The following HDAC9 variants were observed in gnomAD, a reference collection of about 807,000 sequenced individuals.
The protein encoded by HDAC9 is MEF-2 interacting transcription repressor (MITR) protein.
In HDAC9, 41 loss-of-function variants were observed where a neutral mutation model predicts 139.4. The ratio of observed to expected loss-of-function variants is 0.29; its 90% CI spans 0.23 to 0.38. The LOEUF (loss-of-function observed/expected upper bound fraction) is 0.38. Ranked by LOEUF, HDAC9 falls within the 10% of genes least tolerant of loss-of-function variation. HDAC9 has a pLI of 1.00. For synonymous variants in HDAC9, 517 were observed against 476.2 expected (o/e 1.09, Z -1.12); for missense variants, 1,147 against 1,297.0 (o/e 0.88, Z 1.78).
At chr7:18,458,832 AT>A (rs772540102) in intron 1 of HDAC9, 55 of 1,532,822 alleles carry the variant, frequency 3.6e-5, no homozygotes, top group Non-Finnish European at 4.6e-5. Flanking sequence ...TGACTTTCTT[AT>A]CCCCACAGAC....
intron 2 of HDAC9, among the ~76,000 whole-genome samples, chr7:18,200,236 C>T (rs190562483): frequency 2.0e-5 from 3 of 152,260 alleles, no homozygotes; most frequent in Admixed American, 2.0e-4. Flanking sequence ...AATGAATTTC[C>T]AGGAAGAATT....
At chr7:18,443,950 A>G (rs1313819567) in intron 1 of HDAC9, among the ~76,000 whole-genome samples, 1 of 151,916 alleles carries the variant, frequency 6.6e-6, no homozygotes, top group East Asian at 1.9e-4. Flanking sequence ...GTATGTATGT[A>G]TGTATATATG....
intron 1 of HDAC9, among the ~76,000 whole-genome samples, chr7:18,141,687 C>T (rs1182152756): frequency 6.6e-6 from 1 of 152,028 alleles, no homozygotes; most frequent in Non-Finnish European, 1.5e-5. Flanking sequence ...GGGATTGGAG[C>T]TCTTTTTTTT....
chr7:18,417,223 C>T lies in HDAC9; in HGVS notation c.-41-79039C>T, dbSNP rs1047759021. 2.6e-5 allele frequency among the ~76,000 whole-genome samples: 4 copies of T among 152,210 alleles called. No homozygotes were observed. In the East Asian group the frequency reaches 7.7e-4, roughly 29 times the overall value. On this transcript the variant is annotated intron_variant, in intron 1 of 3. Transcript: ENST00000413509. Reference sequence around the variant, plus strand: ...TTGTCTCCTCTGCCGTTTAGCCTATCCATTGTATATTTTAATCTCATATAT... The same window carrying T: ...TTGTCTCCTCTGCCGTTTAGCCTATTCATTGTATATTTTAATCTCATATAT...
intron 17 of HDAC9, among the ~76,000 whole-genome samples, chr7:18,812,012 G>A (rs1044461269): frequency 1.3e-5 from 2 of 151,726 alleles, no homozygotes; most frequent in Non-Finnish European, 3.0e-5. Context: ...GCAATCCTCC[G>A]TATACTTTGT....
chr7:18,827,623 G>A lies in HDAC9; in HGVS notation c.2323-1538G>A, dbSNP rs1330776848. Among the ~76,000 whole-genome samples the A allele has an allele frequency of 2.0e-5, 3 of 152,210 alleles. No individual in the cohort carries two copies. The East Asian group carries it at 5.8e-4, about 29-fold the overall frequency. On this transcript the variant is annotated intron_variant, in intron 17 of 25. Transcript: ENST00000686413. The stretch of plus-strand genomic sequence containing the variant: ...AATTTTTTAATAGCTACTGGTTACT[G>A]GGTGTTTTCTTCTTTGTGTTGTTAT...
At chr7:18,612,557 AAAG>A (rs1276774944) in intron 6 of HDAC9, among the ~76,000 whole-genome samples, 1 of 152,094 alleles carries the variant, frequency 6.6e-6, no homozygotes, top group African/African-American at 2.4e-5. Context: ...CAGGGTTGGA[AAAG>A]AAGATGAGTA....
At chr7:18,883,469 G>A (rs919369866) in intron 22 of HDAC9, among the ~76,000 whole-genome samples, 1 of 152,026 alleles carries the variant, frequency 6.6e-6, no homozygotes, top group African/African-American at 2.4e-5. Context: ...TGCAGAAAAG[G>A]CATTTGACAA....
intron 1 of HDAC9, among the ~76,000 whole-genome samples, chr7:18,306,841 A>G (rs538868794): frequency 1.3e-5 from 2 of 151,930 alleles, no homozygotes; most frequent in East Asian, 1.9e-4. Context: ...TGCTTGTGCT[A>G]TTTTGGATTT....
intron 2 of HDAC9, among the ~76,000 whole-genome samples, chr7:18,507,491 C>CTAT (rs1300104838): frequency 6.6e-6 from 1 of 150,970 alleles, no homozygotes; most frequent in Non-Finnish European, 1.5e-5. Context: ...CCGCACCCGG[C>CTAT]TATTATTATT....
intron 2 of HDAC9, among the ~76,000 whole-genome samples, chr7:18,571,144 A>G (rs909764994): frequency 5.3e-5 from 8 of 152,286 alleles, no homozygotes; most frequent in Admixed American, 2.6e-4. Flanking sequence ...TGAGCACATT[A>G]CATGAATTTT....
chr7:18,216,133 A>T lies in HDAC9; in HGVS notation c.25+53784A>T, dbSNP rs937358091. ...GTGTGTGTGTGTGTGTGTGTGTGAGAGAGAGAGAGAGAGAGACAGAGAGAG... is the reference window on the plus strand; with the variant it reads ...GTGTGTGTGTGTGTGTGTGTGTGAGTGAGAGAGAGAGAGAGACAGAGAGAG... On this transcript the variant is annotated intron_variant, in intron 2 of 12. Transcript: ENST00000417496. Among the ~76,000 whole-genome samples the T allele has an allele frequency of 1.3e-4, 19 of 150,922 alleles. No homozygotes were observed. In the South Asian group the frequency reaches 2.1e-3, roughly 17 times the overall value.
intron 1 of HDAC9, among the ~76,000 whole-genome samples, chr7:18,440,827 T>A (rs1791687434): frequency 6.6e-6 from 1 of 152,234 alleles, no homozygotes; most frequent in African/African-American, 2.4e-5. Flanking sequence ...AATTTCTCTT[T>A]CTTAGTGCAG....
chr7:18,178,092 C>T (rs1789083561), intron 2 of HDAC9, among the ~76,000 whole-genome samples: 1 of 151,412 alleles, frequency 6.6e-6, no homozygotes, highest in South Asian at 2.1e-4. Context: ...CCTCCCCTCC[C>T]CTCTCCTCTT....
At position 18,880,849 on chromosome 7, in the gene HDAC9, G is replaced by T. The variant is rs79959531; in HGVS notation, c.2803+6253G>T. On this transcript the variant is annotated intron_variant, in intron 22 of 25. Coordinates refer to ENST00000686413, the MANE Select transcript of HDAC9 (RefSeq NM_178425.4). The stretch of plus-strand genomic sequence containing the variant: ...AAGAATAGTTAATAGTTGCCGGGGG[G>T]GGGGGAACCAAATAACAAAGCTTAG... Among the ~76,000 whole-genome samples the T allele has an allele frequency of 7.9e-4, 119 of 150,650 alleles. 1 individual carries two copies. In the East Asian group the frequency reaches 0.015, roughly 19 times the overall value.
chr7:18,474,740 A>G (rs1181430119), intron 1 of HDAC9, among the ~76,000 whole-genome samples: 1 of 152,176 alleles, frequency 6.6e-6, no homozygotes, highest in Non-Finnish European at 1.5e-5. Context: ...AGAGACACAA[A>G]AACAGTGAAA....
chr7:18,641,038 C>T (rs1624397), intron 8 of HDAC9, among the ~76,000 whole-genome samples: 2 of 151,996 alleles, frequency 1.3e-5, no homozygotes, highest in African/African-American at 4.8e-5. Flanking sequence ...AGAGTTTTTA[C>T]CTTTCTGAAT....
At chr7:18,587,182 T>G (rs1183107509) in intron 3 of HDAC9, among the ~76,000 whole-genome samples, 1 of 152,170 alleles carries the variant, frequency 6.6e-6, no homozygotes, top group Non-Finnish European at 1.5e-5. Context: ...AGAAAGAAAT[T>G]TATTGCTTAA....
rs142780850 is a variant in HDAC9 at position 18,656,287 on chromosome 7, A to G, written c.1467+7604A>G. ...ATTAACCTAGTTGTATCAGCTAGCAATATAAAGTCCTGCAACAGTCTCCGG... is the reference window on the plus strand; with the variant it reads ...ATTAACCTAGTTGTATCAGCTAGCAGTATAAAGTCCTGCAACAGTCTCCGG... On this transcript the variant is annotated intron_variant, in intron 11 of 25. Coordinates refer to ENST00000686413, the MANE Select transcript of HDAC9 (RefSeq NM_178425.4). 7.5e-4 allele frequency among the ~76,000 whole-genome samples: 114 copies of G among 152,192 alleles called. 1 individual carries two copies. The highest frequency in any genetic ancestry group is 1.3e-3 in the Admixed American group (20 of 15,264).
Sources: allele counts gnomAD v4.1 joint callset (sites outside exome capture counted in the v4.1 genomes callset), GRCh38; gene constraint gnomAD v4.1.1; transcripts MANE v1.5; gene names NCBI Gene and HGNC (gene_info 2026-07-23, HGNC 2026-07-21).